The following ZNF540 variants were observed in gnomAD, a reference collection of about 807,000 sequenced individuals.
ZNF540 encodes CTD-3064H18.6.
A neutral mutation model predicts 11.8 loss-of-function variants in ZNF540; 3 were observed. The ratio of observed to expected loss-of-function variants is 0.25; its 90% CI spans 0.12 to 0.65. The LOEUF (loss-of-function observed/expected upper bound fraction) is 0.65, where lower values mean the gene tolerates loss of function less well. Ranked by LOEUF, ZNF540 falls within the 30% of genes least tolerant of loss-of-function variation. ZNF540 has a pLI of 0.83. For missense variants in ZNF540, 709 were observed against 793.1 expected (o/e 0.89, Z 1.27); for synonymous variants, 247 against 259.0 (o/e 0.95, Z 0.45).
At chr19:37,608,336 C>T (rs2044100503) in intron 4 of ZNF540, among the ~76,000 whole-genome samples, 2 of 152,156 alleles carry the variant, frequency 1.3e-5, no homozygotes, top group South Asian at 4.1e-4. Flanking sequence ...CAGAGCCATT[C>T]TTCATTTCTA....
At chr19:37,566,451 G>C (rs1339541167) in intron 1 of ZNF540, 1 of 776,338 alleles carries the variant, frequency 1.3e-6, no homozygotes, top group Non-Finnish European at 1.9e-6. Flanking sequence ...CACAAGGAGA[G>C]AATAAAGAAA....
At chr19:37,598,024 T>C (rs781471342) in intron 1 of ZNF540, among the ~76,000 whole-genome samples, 2 of 152,236 alleles carry the variant, frequency 1.3e-5, no homozygotes, top group Non-Finnish European at 2.9e-5. Context: ...CTTTGGATAA[T>C]GTGGTCTGTC....
At chr19:37,601,288 C>T (rs2044037898) in intron 4 of ZNF540, 183 bp downstream of exon 4, 1 of 461,344 alleles carries the variant, frequency 2.2e-6, no homozygotes, top group East Asian at 3.4e-5. Flanking sequence ...TCAAAAGAAC[C>T]TCATCTTGGC....
At chr19:37,577,769 G>GCACTCAA (rs1303651313) in intron 1 of ZNF540, among the ~76,000 whole-genome samples, 3 of 152,180 alleles carry the variant, frequency 2.0e-5, no homozygotes, top group African/African-American at 7.2e-5. Context: ...CTCTAGGGGG[G>GCACTCAA]CACTCAAGAT....
chr19:37,561,986 A>T (rs1023572069), intron 1 of ZNF540, among the ~76,000 whole-genome samples: 2 of 152,318 alleles, frequency 1.3e-5, no homozygotes, highest in South Asian at 4.1e-4. Flanking sequence ...TTTTTGGACA[A>T]TAGTTTGTAA....
intron 1 of ZNF540, among the ~76,000 whole-genome samples, chr19:37,552,254 T>G (rs534673313): frequency 1.9e-4 from 29 of 152,350 alleles, no homozygotes; most frequent in Non-Finnish European, 3.8e-4. Context: ...TTTTCTGATT[T>G]CAATCCTTTT....
upstream of ZNF540, chr19:37,594,112 A>G (rs959635321): frequency 1.3e-5 from 2 of 152,270 alleles, no homozygotes; most frequent in African/African-American, 4.8e-5. Flanking sequence ...AGTCTTCCCC[A>G]CAGGGCTGTC....
intron 1 of ZNF540, among the ~76,000 whole-genome samples, chr19:37,582,300 CA>C (rs1399608587): frequency 1.3e-5 from 2 of 152,332 alleles, no homozygotes; most frequent in African/African-American, 4.8e-5. Flanking sequence ...AGCCAATTTT[CA>C]GCGTTCCTCT....
At chr19:37,571,664 C>T (rs2043056994) in intron 1 of ZNF540, among the ~76,000 whole-genome samples, 1 of 152,164 alleles carries the variant, frequency 6.6e-6, no homozygotes, top group Non-Finnish European at 1.5e-5. Context: ...CAAGGGGTTA[C>T]ACAGAACTAC....
chr19:37,611,769 A>G lies in ZNF540; in HGVS notation c.489A>G (p.Arg163=). Residue 163 remains arginine (R), a synonymous_variant, in exon 5 of 5, where the codon AGA becomes AGG. Coordinates refer to ENST00000316433, the MANE Select transcript of ZNF540 (RefSeq NM_001172225.3). ...GTCCCTCTTTTACTCTGAATCAGAG[A>G]ATTCACAATAGTGAGAAAAGCTGTG... ...RKRPSFTLNQ[R]IHNSEKSCDS... 6.2e-7 allele frequency: 1 copy of G among 1,614,038 alleles called. No individual in the cohort carries two copies. The highest frequency in any genetic ancestry group is 1.1e-5 in the South Asian group (1 of 91,078).
intron 1 of ZNF540, among the ~76,000 whole-genome samples, chr19:37,595,916 A>G (rs2043988526): frequency 6.6e-6 from 1 of 152,230 alleles, no homozygotes; most frequent in Non-Finnish European, 1.5e-5. Flanking sequence ...ATTTGCCTTC[A>G]AGATTTGAAG....
upstream of ZNF540, among the ~76,000 whole-genome samples, chr19:37,592,517 A>G (rs1361833478): frequency 1.3e-5 from 2 of 152,174 alleles, no homozygotes; most frequent in Non-Finnish European, 2.9e-5. Context: ...ACCAAGTTTC[A>G]CCCACTTGGA....
At position 37,564,967 on chromosome 19, in the gene ZNF540, T is replaced by C. The variant is rs756067370; in HGVS notation, c.-73+13302T>C. ...GAATTCTTTGATGATATGTAAGTTG[T>C]GTAGCACGTACAAAGGTCTTCCCAC... On this transcript the variant is annotated intron_variant, in intron 1 of 4. Transcript: ENST00000592533. 5 of 1,613,798 alleles carry C rather than the reference T, an allele frequency of 3.1e-6. No individual in the cohort carries two copies. In the Admixed American group the frequency reaches 8.3e-5, roughly 27 times the overall value.
At chr19:37,561,109 T>C (rs1031562046) in intron 1 of ZNF540, among the ~76,000 whole-genome samples, 2 of 147,140 alleles carry the variant, frequency 1.4e-5, no homozygotes, top group African/African-American at 5.1e-5. Flanking sequence ...GGTGTGGTGG[T>C]GCACACCTAT....
Position 37,612,223 on chromosome 19 carries a change from A to G in ZNF540, c.943A>G (p.Lys315Glu). 6.2e-7 allele frequency: 1 copy of G among 1,613,282 alleles called. No individual in the cohort carries two copies. Among genetic ancestry groups the G allele is most frequent in the East Asian group, 2.2e-5 (1 of 44,870 alleles). ...AGTTTTTCAACTTATTTTCTACTTTAAAGAACATGAGAGAATTCATACAGG... is the reference window on the plus strand; with the variant it reads ...AGTTTTTCAACTTATTTTCTACTTTGAAGAACATGAGAGAATTCATACAGG... ...GKVFQLIFYF[K>E]EHERIHTGKK... The change falls in exon 5 of 5, where the codon AAA becomes GAA. Residue 315 changes from lysine (K) to glutamate (E), a missense_variant. Coordinates refer to ENST00000316433, the MANE Select transcript of ZNF540 (RefSeq NM_001172225.3).
At chr19:37,595,817 T>A (rs905918184) in intron 1 of ZNF540, among the ~76,000 whole-genome samples, 15 of 152,238 alleles carry the variant, frequency 9.9e-5, no homozygotes, top group Admixed American at 2.6e-4. Context: ...ACGAATTTTT[T>A]AAATTGTGTT....
intron 1 of ZNF540, among the ~76,000 whole-genome samples, chr19:37,571,801 C>CT (rs1415906952): frequency 6.6e-6 from 1 of 152,216 alleles, no homozygotes; most frequent in Non-Finnish European, 1.5e-5. Flanking sequence ...GCTAGCCTAA[C>CT]TGACCTAGCC....
chr19:37,552,626 C>T (rs1414842924), intron 1 of ZNF540, among the ~76,000 whole-genome samples: 1 of 151,898 alleles, frequency 6.6e-6, no homozygotes, highest in Non-Finnish European at 1.5e-5. Flanking sequence ...AGAATAAATC[C>T]CTGGTAATAT....
intron 2 of ZNF540, 93 bp from the exon 3 acceptor site, chr19:37,599,533 C>G: frequency 6.8e-7 from 1 of 1,478,896 alleles, no homozygotes; most frequent in Non-Finnish European, 9.4e-7. Flanking sequence ...AGTATAGTAC[C>G]CCTTGCTGCA....
Sources: allele counts gnomAD v4.1 joint callset (sites outside exome capture counted in the v4.1 genomes callset), GRCh38; gene constraint gnomAD v4.1.1; transcripts MANE v1.5; gene names NCBI Gene and HGNC (gene_info 2026-07-23, HGNC 2026-07-21).